ZBTB46: variants seen among roughly 807,000 people sequenced by gnomAD.
ZBTB46 encodes zinc finger and BTB domain-containing protein 46.
Under a neutral mutation model 44.1 loss-of-function variants are expected in ZBTB46, and 8 were observed. That is an observed-to-expected ratio of 0.18 (90% CI 0.11 to 0.33). ZBTB46 has a LOEUF of 0.33. ZBTB46 is among the 10% of genes least tolerant of loss of function. The pLI is 1.00. For missense variants in ZBTB46, 651 were observed against 847.7 expected (o/e 0.77, Z 2.88); for synonymous variants, 409 against 382.3 (o/e 1.07, Z -0.81).
chr20:63,788,816 G>A (rs1230124346), intron 2 of ZBTB46, among the ~76,000 whole-genome samples: 2 of 151,188 alleles, frequency 1.3e-5, no homozygotes, highest in African/African-American at 4.9e-5. Flanking sequence ...TCCAGCCTGG[G>A]CAACACGGTG....
chr20:63,802,136 G>A (rs1054312801), intron 1 of ZBTB46, among the ~76,000 whole-genome samples: 15 of 152,034 alleles, frequency 9.9e-5, no homozygotes, highest in African/African-American at 3.4e-4. Context: ...AGATGAGGTC[G>A]CTGGGGCTGG....
At chr20:63,804,891 C>CA (rs2092671807) in intron 1 of ZBTB46, among the ~76,000 whole-genome samples, 1 of 147,382 alleles carries the variant, frequency 6.8e-6, no homozygotes, top group Non-Finnish European at 1.5e-5. Context: ...GACTCCGTCT[C>CA]AAAAAAACAA....
At position 63,790,006 on chromosome 20, in the gene ZBTB46, A is replaced by T. The variant is rs189741977; in HGVS notation, c.752T>A (p.Val251Glu). Residue 251 changes from valine (V) to glutamate (E), a missense_variant, in exon 2 of 5, where the codon GTA (valine) becomes GAA (glutamate). By Grantham distance (121) the Val-to-Glu change is moderately radical. Transcript: ENST00000245663. ...ACTCTGCTCTGAGAAAGAGTTCTGT[A>T]CTGCACCGTCCTTGGCAGAAGGCAG... is the stretch of plus-strand genomic sequence containing the variant. ...SELPSAKDGA[V>E]QNSFSEQSAG... 7 of 1,614,072 alleles carry T rather than the reference A, an allele frequency of 4.3e-6. No homozygotes were observed. The Admixed American group carries it at 1.2e-4, about 27-fold the overall frequency.
intron 3 of ZBTB46, among the ~76,000 whole-genome samples, chr20:63,758,086 T>G (rs1339728311): frequency 6.2e-5 from 1 of 16,162 alleles, no homozygotes; most frequent in Admixed American, 6.9e-4. Context: ...CATCCAGAGC[T>G]CACACTCCCT....
At position 63,790,257 on chromosome 20, in the gene ZBTB46, G is replaced by A. The variant is rs2092550290; in HGVS notation, c.501C>T (p.Ile167=). 2 of 1,612,008 alleles carry A rather than the reference G, an allele frequency of 1.2e-6. No individual in the cohort carries two copies. The highest frequency in any genetic ancestry group is 1.7e-6 in the Non-Finnish European group (2 of 1,179,480). The change falls in exon 2 of 5, where the codon ATC becomes ATT. Residue 167 remains isoleucine, a synonymous_variant. Transcript: ENST00000245663. Reference sequence around the variant, plus strand: ...TCGTTCGCCGTGCCAGCCACGGGGAGATGCTCCTCCCAGCCATCACGGCCG... The same window carrying A: ...TCGTTCGCCGTGCCAGCCACGGGGAAATGCTCCTCCCAGCCATCACGGCCG... ...LISAVMAGRS[I]SPWLARRTSP...
At position 63,787,556 on chromosome 20, in the gene ZBTB46, C is replaced by G. The variant is rs1051650884; in HGVS notation, c.937+2265G>C. On this transcript the variant is annotated intron_variant, in intron 2 of 4. Transcript: ENST00000245663. This position sits in a 1 kb window ranked among gnomAD's most constrained non-coding sequence, Gnocchi z 4.6. ...ACAAACACTTCCCATGGTGCCACAG[C>G]TGCCTGCAGTGCTCAGCACCGTAAC... is the stretch of plus-strand genomic sequence containing the variant. Among the ~76,000 whole-genome samples, 1 of 152,206 alleles carries G rather than the reference C, an allele frequency of 6.6e-6. No individual in the cohort carries two copies. The highest frequency in any genetic ancestry group is 1.5e-5 in the Non-Finnish European group (1 of 68,040).
chr20:63,805,494 GAGA>G (rs753274970), intron 1 of ZBTB46, among the ~76,000 whole-genome samples: 17 of 152,132 alleles, frequency 1.1e-4, no homozygotes, highest in Non-Finnish European at 2.5e-4. Flanking sequence ...ACAGGGAGGA[GAGA>G]AGGTCATGTG....
chr20:63,767,248 C>A lies in ZBTB46; in HGVS notation c.1222+8430G>T, dbSNP rs763270820. Among the ~76,000 whole-genome samples the A allele has an allele frequency of 6.6e-6, 1 of 152,140 alleles. No homozygotes were observed. The highest frequency in any genetic ancestry group is 1.5e-5 in the Non-Finnish European group (1 of 67,998). On this transcript the variant is annotated intron_variant, in intron 3 of 4. Transcript: ENST00000245663. The surrounding 1 kb of genome is among the most constrained non-coding windows in gnomAD (Gnocchi z 5.0). Reference sequence around the variant, plus strand: ...CGGAGCCACGTGGCTCCACTTCCCACGGATGGGGACATGTTTTCCCGCCCC... The same window carrying A: ...CGGAGCCACGTGGCTCCACTTCCCAAGGATGGGGACATGTTTTCCCGCCCC...
chr20:63,813,887 C>A (rs1276520978), intron 1 of ZBTB46, among the ~76,000 whole-genome samples: 1 of 152,194 alleles, frequency 6.6e-6, no homozygotes, highest in Non-Finnish European at 1.5e-5. Flanking sequence ...GAGCCACACA[C>A]AACGAAGCAC....
At chr20:63,791,356 C>T (rs1174314343) in intron 1 of ZBTB46, among the ~76,000 whole-genome samples, 1 of 151,958 alleles carries the variant, frequency 6.6e-6, no homozygotes, top group African/African-American at 2.4e-5. Flanking sequence ...AGCAGCTGGG[C>T]ATGGTGGCGG....
intron 2 of ZBTB46, among the ~76,000 whole-genome samples, chr20:63,777,047 C>G (rs79334591): frequency 0.1 from 14,393 of 144,430 alleles, 2,933 homozygotes; most frequent in East Asian, 0.46. Context: ...CACGGTTCCA[C>G]CACACGCCAC....
At chr20:63,823,891 C>T (rs1212250992) in intron 1 of ZBTB46, among the ~76,000 whole-genome samples, 1 of 71,504 alleles carries the variant, frequency 1.4e-5, no homozygotes, top group African/African-American at 6.7e-5. Flanking sequence ...TGTGTGTGTT[C>T]TTTGGGACTG....
intron 1 of ZBTB46, among the ~76,000 whole-genome samples, chr20:63,820,437 A>AT (rs1344071084): frequency 1.3e-5 from 2 of 148,718 alleles, no homozygotes; most frequent in African/African-American, 5.0e-5. Context: ...TATATTATAT[A>AT]TATATATTTT....
chr20:63,824,564 T>A (rs970456016), intron 1 of ZBTB46, among the ~76,000 whole-genome samples: 5 of 152,062 alleles, frequency 3.3e-5, no homozygotes, highest in Admixed American at 2.0e-4. Context: ...GCAGGACAAC[T>A]CAGAGGTTCT....
At chr20:63,808,133 G>A (rs1048756693) in intron 1 of ZBTB46, 4 of 153,168 alleles carry the variant, frequency 2.6e-5, no homozygotes, top group African/African-American at 7.2e-5. Flanking sequence ...CCTGAGCAGT[G>A]AGGAAACCCC....
chr20:63,797,737 A>G (rs1178134593), intron 1 of ZBTB46, among the ~76,000 whole-genome samples: 3 of 152,108 alleles, frequency 2.0e-5, no homozygotes, highest in South Asian at 2.1e-4. Flanking sequence ...TTTGATTTGC[A>G]TTTCTCTCAC....
At chr20:63,778,857 A>G (rs1267885849) in intron 2 of ZBTB46, among the ~76,000 whole-genome samples, 5 of 152,226 alleles carry the variant, frequency 3.3e-5, no homozygotes, top group African/African-American at 1.2e-4. Flanking sequence ...TTGGGATGCC[A>G]TGACAAAATA....
intron 3 of ZBTB46, among the ~76,000 whole-genome samples, chr20:63,758,219 T>C (rs1601403624): frequency 8.2e-6 from 1 of 122,002 alleles, no homozygotes; most frequent in South Asian, 2.8e-4. Context: ...TCACACTCCC[T>C]CCTCCTGCTC....
intron 2 of ZBTB46, among the ~76,000 whole-genome samples, chr20:63,786,116 G>A (rs575090897): frequency 2.6e-5 from 4 of 152,318 alleles, no homozygotes; most frequent in South Asian, 2.1e-4. Flanking sequence ...TGCTGACAAC[G>A]GACCCTGCAG....
Sources: allele counts gnomAD v4.1 joint callset (sites outside exome capture counted in the v4.1 genomes callset), GRCh38; gene constraint gnomAD v4.1.1; non-coding constraint Gnocchi (gnomAD v3.1); transcripts MANE v1.5; gene names NCBI Gene and HGNC (gene_info 2026-07-23, HGNC 2026-07-21).